The following ERBB4 variants were observed in gnomAD, a reference collection of about 807,000 sequenced individuals.
ERBB4 encodes receptor tyrosine-protein kinase erbB-4.
Under a neutral mutation model 158.0 loss-of-function variants are expected in ERBB4, and 42 were observed. That is an observed-to-expected ratio of 0.27 (90% confidence interval 0.21 to 0.34). The LOEUF (loss-of-function observed/expected upper bound fraction) is 0.34, where lower values mean the gene tolerates loss of function less well. Among genes scored for constraint, ERBB4 ranks in the 10% least tolerant of loss-of-function variants. The pLI is 1.00. For missense variants in ERBB4, 1,333 were observed against 1,624.1 expected, an observed-to-expected ratio of 0.82 and a Z score of 3.08; for synonymous variants, 583 against 558.7, an observed-to-expected ratio of 1.04 and a Z score of -0.61.
intron 21 of ERBB4, among the ~76,000 whole-genome samples, chr2:211,430,312 G>A (rs953908384): frequency 6.6e-6 from 1 of 152,070 alleles, no homozygotes; most frequent in African/African-American, 2.4e-5. Flanking sequence ...TCCATATGAA[G>A]TCTAGTCCTA....
chr2:211,431,181 TC>T, intron 20 of ERBB4, 81 bp from the exon 21 acceptor site: 1 of 1,349,434 alleles, frequency 7.4e-7, no homozygotes. Flanking sequence ...TTCTTAGCCT[TC>T]AGTTGGAAGT....
At chr2:211,798,055 C>T (rs894593374) in intron 3 of ERBB4, among the ~76,000 whole-genome samples, 4 of 151,766 alleles carry the variant, frequency 2.6e-5, no homozygotes, top group African/African-American at 9.7e-5. Context: ...TACATGTATA[C>T]AATATTTGTA....
At chr2:211,515,659 C>T (rs1259553067) in intron 20 of ERBB4, among the ~76,000 whole-genome samples, 3 of 151,152 alleles carry the variant, frequency 2.0e-5, no homozygotes, top group Non-Finnish European at 4.4e-5. Context: ...TCTCTGCTAT[C>T]GTGCAAGGGT....
At chr2:212,234,641 CTGTTGTTTCT>C (rs2083789319) in intron 1 of ERBB4, among the ~76,000 whole-genome samples, 1 of 152,160 alleles carries the variant, frequency 6.6e-6, no homozygotes, top group African/African-American at 2.4e-5. Flanking sequence ...TCTCCAGCAT[CTGTTGTTTCT>C]TGACTTTTTC....
intron 2 of ERBB4, among the ~76,000 whole-genome samples, chr2:211,970,505 G>C (rs1575452769): frequency 6.6e-6 from 1 of 152,136 alleles, no homozygotes; most frequent in East Asian, 1.9e-4. Flanking sequence ...TATTGTGTGG[G>C]AATGTAAGTC....
At chr2:211,966,884 T>C (rs1448396824) in intron 2 of ERBB4, among the ~76,000 whole-genome samples, 1 of 152,132 alleles carries the variant, frequency 6.6e-6, no homozygotes, top group Non-Finnish European at 1.5e-5. Context: ...AAGTTGTGTA[T>C]AATTTTATCT....
intron 1 of ERBB4, among the ~76,000 whole-genome samples, chr2:212,205,128 CAGAG>C (rs2082707687): frequency 3.3e-5 from 5 of 151,912 alleles, no homozygotes; most frequent in Admixed American, 3.3e-4. Flanking sequence ...AACTTCCAGA[CAGAG>C]ACAGACAGAC....
At chr2:211,685,145 T>A (rs1199859849) in intron 12 of ERBB4, among the ~76,000 whole-genome samples, 1 of 152,218 alleles carries the variant, frequency 6.6e-6, no homozygotes, top group Admixed American at 6.5e-5. Flanking sequence ...GAAGTTGAAT[T>A]TATCATTTTG....
intron 20 of ERBB4, among the ~76,000 whole-genome samples, chr2:211,523,972 A>C (rs191394716): frequency 4.2e-3 from 637 of 151,998 alleles, no homozygotes; most frequent in African/African-American, 0.015. Context: ...GATTAGCTAG[A>C]TACAGAATGT....
intron 1 of ERBB4, among the ~76,000 whole-genome samples, chr2:212,475,340 TAC>T (rs961052127): frequency 3.3e-5 from 5 of 152,132 alleles, no homozygotes; most frequent in African/African-American, 4.8e-5. Flanking sequence ...CCCTGCAAAT[TAC>T]AGAGCCAGTC....
intron 1 of ERBB4, among the ~76,000 whole-genome samples, chr2:212,199,699 T>C (rs1405693831): frequency 6.6e-6 from 1 of 152,168 alleles, no homozygotes; most frequent in Non-Finnish European, 1.5e-5. Flanking sequence ...TACTTAAATC[T>C]GCTCATGAAA....
chr2:212,061,453 C>CA (rs754237880), intron 2 of ERBB4, among the ~76,000 whole-genome samples: 902 of 22,846 alleles, frequency 0.039, 218 homozygotes, highest in South Asian at 0.07. Context: ...ACTCTGTCTC[C>CA]AAAAAAAAAA....
chr2:211,730,060 A>G (rs1431312047), intron 5 of ERBB4, among the ~76,000 whole-genome samples: 1 of 152,000 alleles, frequency 6.6e-6, no homozygotes, highest in East Asian at 1.9e-4. Context: ...ATTCATGGTA[A>G]GCCAATACTA....
At chr2:211,915,838 T>C (rs1460217427) in intron 3 of ERBB4, among the ~76,000 whole-genome samples, 2 of 151,882 alleles carry the variant, frequency 1.3e-5, no homozygotes, top group East Asian at 1.9e-4. Context: ...GTGATAGTAA[T>C]AGCAACATTA....
chr2:212,251,298 A>G (rs561028967), intron 1 of ERBB4, among the ~76,000 whole-genome samples: 2 of 152,148 alleles, frequency 1.3e-5, no homozygotes, highest in East Asian at 3.9e-4. Context: ...GCATGTATAC[A>G]TTCATTTATT....
At chr2:211,563,962 C>A (rs1033717857) in intron 19 of ERBB4, among the ~76,000 whole-genome samples, 8 of 152,022 alleles carry the variant, frequency 5.3e-5, no homozygotes, top group Non-Finnish European at 8.8e-5. Context: ...TGAAACATTT[C>A]AAAATAAAAA....
intron 2 of ERBB4, among the ~76,000 whole-genome samples, chr2:212,099,848 A>G (rs1226786288): frequency 1.3e-5 from 2 of 148,936 alleles, no homozygotes; most frequent in Non-Finnish European, 3.0e-5. Flanking sequence ...GATGGTGGCT[A>G]GTGGGGATTA....
At chr2:211,532,466 A>G (rs10173331) in intron 20 of ERBB4, among the ~76,000 whole-genome samples, 69,611 of 151,746 alleles carry the variant, frequency 0.46, 16,282 homozygotes, top group East Asian at 0.72. Flanking sequence ...AAGAGCACTG[A>G]ACTTTATAAT....
chr2:212,157,802 G>A (rs1182953839), intron 1 of ERBB4, among the ~76,000 whole-genome samples: 2 of 152,046 alleles, frequency 1.3e-5, no homozygotes, highest in Non-Finnish European at 2.9e-5. Flanking sequence ...ATGAATACAT[G>A]ACTATCTTCT....
Sources: allele counts gnomAD v4.1 joint callset (sites outside exome capture counted in the v4.1 genomes callset), GRCh38; gene constraint gnomAD v4.1.1; transcripts MANE v1.5; gene names NCBI Gene and HGNC (gene_info 2026-07-23, HGNC 2026-07-21).